CYSLTR1: variants seen among roughly 807,000 people sequenced by gnomAD.
CYSLTR1 encodes the protein cysteinyl leukotriene receptor 1, also known as G-protein coupled receptor HG55.
CYSLTR1 carries 1 observed loss-of-function variant against 2.1 expected under a neutral mutation model. That is an observed-to-expected ratio of 0.48 (90% CI 0.17 to 2.28). The LOEUF (loss-of-function observed/expected upper bound fraction) is 2.28, where lower values mean the gene tolerates loss of function less well. CYSLTR1 is among the 30% of genes most tolerant of loss of function. The pLI is 0.26. For synonymous variants in CYSLTR1, 110 were observed against 89.6 expected, an observed-to-expected ratio of 1.23 and a Z score of -1.28; for missense variants, 299 against 250.1, an observed-to-expected ratio of 1.20 and a Z score of -1.32.
intron 1 of CYSLTR1, among the ~76,000 whole-genome samples, chrX:78,323,053 G>A (rs1405662923): frequency 8.9e-6 from 1 of 112,179 alleles, no homozygotes; most frequent in Non-Finnish European, 1.9e-5. Flanking sequence ...GGAAATGAAA[G>A]TTAACAAAAG....
At chrX:78,275,236 C>G (rs6623252) in intron 2 of CYSLTR1, among the ~76,000 whole-genome samples, 5 of 110,256 alleles carry the variant, frequency 4.5e-5, no homozygotes, top group Non-Finnish European at 9.5e-5. Context: ...TGGGTATATA[C>G]CCAAAGGATT....
chrX:78,272,551 A>T lies in CYSLTR1; in HGVS notation c.*182T>A, dbSNP rs1378102765. ...GTTCATAGTTGTGGACCGAATTTTT[A>T]GCACTTAAAATATCTATAAATATCT... On this transcript the variant is annotated 3_prime_UTR_variant, in exon 3 of 3. Coordinates refer to ENST00000373304, the MANE Select transcript of CYSLTR1 (RefSeq NM_006639.4). 2.2e-5 allele frequency: 8 copies of T among 371,544 alleles called. No individual in the cohort carries two copies. Among genetic ancestry groups the T allele is most frequent in the Admixed American group, 5.7e-5 (1 of 17,508 alleles). 30.6% of individuals were successfully genotyped at this position (371,544 alleles called of 1,213,427 possible). A position where few individuals can be genotyped will look rare whatever the true frequency, so the allele number is the denominator to read the frequency against.
chrX:78,310,137 C>T (rs189372518), intron 1 of CYSLTR1, among the ~76,000 whole-genome samples: 14 of 111,783 alleles, frequency 1.3e-4, no homozygotes, highest in Non-Finnish European at 1.7e-4. Flanking sequence ...CAAATCATAT[C>T]CTTTCCCTCT....
chrX:78,311,129 T>C (rs1227075837), intron 1 of CYSLTR1, among the ~76,000 whole-genome samples: 2 of 110,905 alleles, frequency 1.8e-5, no homozygotes, highest in Admixed American at 9.6e-5. Flanking sequence ...CTGAGAGGTT[T>C]AATTTTCTTG....
intron 1 of CYSLTR1, among the ~76,000 whole-genome samples, chrX:78,291,415 T>G (rs1372496480): frequency 1.8e-5 from 2 of 111,412 alleles, no homozygotes; most frequent in African/African-American, 6.5e-5. Context: ...AGTCTAAAAA[T>G]CTTTTTTTCT....
intron 1 of CYSLTR1, among the ~76,000 whole-genome samples, chrX:78,305,640 C>T (rs909024037): frequency 8.9e-6 from 1 of 112,365 alleles, no homozygotes; most frequent in Non-Finnish European, 1.9e-5. Context: ...CATTCCTCAC[C>T]TTCCCAGCAG....
chrX:78,305,086 G>A (rs1922978130), intron 1 of CYSLTR1, among the ~76,000 whole-genome samples: 1 of 111,356 alleles, frequency 9.0e-6, no homozygotes, highest in Admixed American at 9.6e-5. Context: ...TCATATCTTA[G>A]CTGATGCCTG....
intron 1 of CYSLTR1, among the ~76,000 whole-genome samples, chrX:78,326,299 T>C (rs1301403074): frequency 8.9e-6 from 1 of 112,627 alleles, no homozygotes; most frequent in Non-Finnish European, 1.9e-5. Context: ...TTTCCTAATG[T>C]ATTTTAAATG....
rs1238349519 is a variant in CYSLTR1, at chrX:78,290,142, G to T, written c.-114-6602C>A. On this transcript the variant is annotated intron_variant, in intron 1 of 2. Coordinates refer to ENST00000373304, the MANE Select transcript of CYSLTR1 (RefSeq NM_006639.4). Reference sequence around the variant, plus strand: ...TCCATCTTAATTACTTTTTGTATAAGGTATAAGGAAGGGATCCAGTTTCAG... The same window carrying T: ...TCCATCTTAATTACTTTTTGTATAATGTATAAGGAAGGGATCCAGTTTCAG... Among the ~76,000 whole-genome samples, 2 of 111,801 alleles carry T rather than the reference G, an allele frequency of 1.8e-5. 1 individual carries two copies. Among genetic ancestry groups the T allele is most frequent in the African/African-American group, 6.5e-5 (2 of 30,699 alleles).
intron 1 of CYSLTR1, chrX:78,321,808 G>A (rs993702394): frequency 3.6e-5 from 4 of 111,448 alleles, no homozygotes; most frequent in Non-Finnish European, 7.5e-5. Flanking sequence ...TATAGGGTCC[G>A]AATGAGACTG....
At chrX:78,294,290 CTGCAGAACAGCAAATAT>C (rs1262167167) in intron 1 of CYSLTR1, among the ~76,000 whole-genome samples, 13 of 112,687 alleles carry the variant, frequency 1.2e-4, no homozygotes, top group African/African-American at 4.2e-4. Flanking sequence ...CCAGTGGAAG[CTGCAGAACAGCAAATAT>C]TGCAGAACAG....
chrX:78,272,956 G>T lies in CYSLTR1; in HGVS notation c.791C>A (p.Thr264Asn). Residue 264 changes from threonine to asparagine, a missense_variant, in exon 3 of 3, where the codon ACT becomes AAT. Thr to Asn is a moderately conservative substitution (Grantham distance 65). Coordinates refer to ENST00000373304, the MANE Select transcript of CYSLTR1 (RefSeq NM_006639.4). ...TCTAAGGACAGAATCACAGGGTTTA[G>T]TTTCATTGTGTAAAAAATGAAGGTG... ...TIHLHFLHNE[T>N]KPCDSVLRMQ... 8.3e-7 allele frequency: 1 copy of T among 1,211,077 alleles called. No homozygotes were observed. Among genetic ancestry groups the T allele is most frequent in the Non-Finnish European group, 1.1e-6 (1 of 895,158 alleles).
intron 2 of CYSLTR1, among the ~76,000 whole-genome samples, chrX:78,274,155 A>G (rs1388529183): frequency 1.8e-5 from 2 of 111,676 alleles, no homozygotes; most frequent in African/African-American, 6.5e-5. Flanking sequence ...ATGTATGAAT[A>G]TATCTATATT....
chrX:78,306,318 C>T (rs1016013065), intron 1 of CYSLTR1, among the ~76,000 whole-genome samples: 2 of 110,543 alleles, frequency 1.8e-5, no homozygotes, highest in Non-Finnish European at 3.8e-5. Flanking sequence ...TGCCCGCCAC[C>T]ATGCCCGGCT....
At chrX:78,290,553 G>T (rs1922277893) in intron 1 of CYSLTR1, among the ~76,000 whole-genome samples, 1 of 111,603 alleles carries the variant, frequency 9.0e-6, no homozygotes, top group Non-Finnish European at 1.9e-5. Flanking sequence ...AGGCAGTATG[G>T]CCACTTTCAC....
At chrX:78,275,201 T>C (rs1198102966) in intron 2 of CYSLTR1, among the ~76,000 whole-genome samples, 1 of 111,500 alleles carries the variant, frequency 9.0e-6, no homozygotes, top group East Asian at 2.8e-4. Context: ...ACTAGAAATA[T>C]CATTTGACCA....
intron 1 of CYSLTR1, among the ~76,000 whole-genome samples, chrX:78,308,329 T>C (rs971158934): frequency 8.9e-6 from 1 of 112,134 alleles, no homozygotes; most frequent in Non-Finnish European, 1.9e-5. Flanking sequence ...ATTATATGAT[T>C]AATCATTTAT....
At chrX:78,299,441 T>A (rs1441400718) in intron 1 of CYSLTR1, among the ~76,000 whole-genome samples, 1 of 111,370 alleles carries the variant, frequency 9.0e-6, no homozygotes, top group African/African-American at 3.3e-5. Context: ...ATAATTGAAG[T>A]AATCCCTTTA....
intron 1 of CYSLTR1, among the ~76,000 whole-genome samples, chrX:78,291,107 T>G (rs1314544441): frequency 1.8e-5 from 2 of 111,706 alleles, no homozygotes; most frequent in African/African-American, 6.5e-5. Context: ...CATAAATAGC[T>G]CTTATTATTT....
Sources: allele counts gnomAD v4.1 joint callset (sites outside exome capture counted in the v4.1 genomes callset), GRCh38; gene constraint gnomAD v4.1.1; transcripts MANE v1.5; gene names NCBI Gene and HGNC (gene_info 2026-07-23, HGNC 2026-07-21).